WWP2: variants seen among roughly 807,000 people sequenced by gnomAD.
WWP2 encodes the protein WW domain containing E3 ubiquitin protein ligase 2.
WWP2 carries 57 observed loss-of-function variants against 121.0 expected under a neutral mutation model. The ratio of observed to expected loss-of-function variants is 0.47; its 90% CI spans 0.38 to 0.59. WWP2 has a LOEUF of 0.59. Ranked by LOEUF, WWP2 falls within the 20% of genes least tolerant of loss-of-function variation. The pLI is 0.00. For synonymous variants in WWP2, 449 were observed against 441.3 expected (o/e 1.02, Z -0.22); for missense variants, 962 against 1,158.9 (o/e 0.83, Z 2.47).
rs112859983 is a variant in WWP2, at chr16:69,932,990, C to T, written c.1683-980C>T. ...TGTTCGGTGGTGGCGTTGCCTTCTG[C>T]GCTGGCCCCGTGGATGGATGTTCCT... is the stretch of plus-strand genomic sequence containing the variant. On this transcript the variant is annotated intron_variant, in intron 16 of 23. Transcript: ENST00000359154. 5.1e-4 allele frequency: 239 copies of T among 470,656 alleles called. 2 individuals carry two copies. Among genetic ancestry groups the T allele is most frequent in the African/African-American group, 3.8e-3 (193 of 50,220 alleles). 29.2% of individuals were successfully genotyped at this position (470,656 alleles called of 1,614,324 possible). A position where few individuals can be genotyped will look rare whatever the true frequency, so the allele number is the denominator to read the frequency against.
intron 8 of WWP2, among the ~76,000 whole-genome samples, chr16:69,902,328 A>G (rs2058217963): frequency 6.6e-6 from 1 of 152,234 alleles, no homozygotes; most frequent in East Asian, 1.9e-4. Flanking sequence ...CATGGTTCAT[A>G]TACAACTGAA....
chr16:69,913,896 C>T (rs1597152754), intron 9 of WWP2, among the ~76,000 whole-genome samples: 1 of 150,634 alleles, frequency 6.6e-6, no homozygotes, highest in Admixed American at 6.6e-5. Flanking sequence ...ATGGTGAAAC[C>T]CCCGTCTCTA....
chr16:69,825,442 A>C (rs1295614404), intron 4 of WWP2, among the ~76,000 whole-genome samples: 1 of 151,632 alleles, frequency 6.6e-6, no homozygotes, highest in Non-Finnish European at 1.5e-5. Flanking sequence ...AAAAACCCCA[A>C]AAACCAAAAA....
intron 4 of WWP2, among the ~76,000 whole-genome samples, chr16:69,810,128 A>G (rs2056360405): frequency 6.6e-6 from 1 of 152,246 alleles, no homozygotes; most frequent in Non-Finnish European, 1.5e-5. Context: ...TTCCACGGAC[A>G]GAATTCGTTC....
intron 5 of WWP2, among the ~76,000 whole-genome samples, chr16:69,840,524 T>C (rs934301215): frequency 2.0e-5 from 3 of 152,216 alleles, no homozygotes; most frequent in Admixed American, 6.5e-5. Flanking sequence ...TCATCCCATG[T>C]GGACTTTGGA....
intron 6 of WWP2, among the ~76,000 whole-genome samples, chr16:69,871,530 A>G (rs947136514): frequency 2.0e-5 from 3 of 152,280 alleles, no homozygotes; most frequent in African/African-American, 7.2e-5. Context: ...TATTTTGCCA[A>G]TTATTTCAGA....
rs991664418 is a variant in WWP2 at position 69,888,438 on chromosome 16, G to A, written c.914+189G>A. Reference sequence around the variant, plus strand: ...ATAAATCTTAAAAAGAATCTCAGTCGCCTGGGGCAGAATCAATGCTACCTT... The same window carrying A: ...ATAAATCTTAAAAAGAATCTCAGTCACCTGGGGCAGAATCAATGCTACCTT... On this transcript the variant is annotated intron_variant, in intron 8 of 23. Transcript: ENST00000359154. 3.3e-5 allele frequency among the ~76,000 whole-genome samples: 5 copies of A among 152,154 alleles called. 1 individual carries two copies. In the South Asian group the frequency reaches 6.2e-4, roughly 19 times the overall value.
rs562598861 is a variant in WWP2 at position 69,771,169 on chromosome 16, A to T, written c.-16+8778A>T. 5.9e-5 allele frequency among the ~76,000 whole-genome samples: 9 copies of T among 152,276 alleles called. No homozygotes were observed. The South Asian group carries it at 1.7e-3, about 28-fold the overall frequency. ...CTGAGGTAGGGTGATAAAAGTGATC[A>T]GGTGCTTCAGGTATTGCAGGAGCTG... is the stretch of plus-strand genomic sequence containing the variant. On this transcript the variant is annotated intron_variant, in intron 1 of 23. Transcript: ENST00000359154.
At chr16:69,848,126 A>C (rs1161647449) in intron 6 of WWP2, among the ~76,000 whole-genome samples, 1 of 152,198 alleles carries the variant, frequency 6.6e-6, no homozygotes, top group Non-Finnish European at 1.5e-5. Flanking sequence ...ATTAATAGGG[A>C]TTAACATAAG....
At chr16:69,762,647 A>C (rs2038639500) in intron 1 of WWP2, among the ~76,000 whole-genome samples, 1 of 152,024 alleles carries the variant, frequency 6.6e-6, no homozygotes, top group South Asian at 2.1e-4. Flanking sequence ...CCAAGGGTGC[A>C]GCTGGAGCGA....
At chr16:69,891,879 T>C (rs907014124) in intron 8 of WWP2, among the ~76,000 whole-genome samples, 5 of 152,224 alleles carry the variant, frequency 3.3e-5, no homozygotes, top group Admixed American at 2.0e-4. Context: ...GTCATACATC[T>C]TTCCCCTGAC....
At chr16:69,905,636 T>C (rs1567421127) in intron 8 of WWP2, among the ~76,000 whole-genome samples, 3 of 152,232 alleles carry the variant, frequency 2.0e-5, no homozygotes. Context: ...CCCAAGCATC[T>C]AGAGAAGGGG....
intron 8 of WWP2, among the ~76,000 whole-genome samples, chr16:69,898,609 G>C (rs2058146728): frequency 6.6e-6 from 1 of 151,968 alleles, no homozygotes; most frequent in African/African-American, 2.4e-5. Flanking sequence ...AGGTTCTTTG[G>C]TTTCTTCTTT....
At chr16:69,845,486 T>C (rs184840125) in intron 6 of WWP2, among the ~76,000 whole-genome samples, 16 of 152,308 alleles carry the variant, frequency 1.1e-4, no homozygotes, top group Non-Finnish European at 4.4e-5. Context: ...TTTTGCTGTC[T>C]GAAGGGTAGG....
At chr16:69,833,237 A>G (rs1166229720) in intron 4 of WWP2, among the ~76,000 whole-genome samples, 2 of 152,244 alleles carry the variant, frequency 1.3e-5, no homozygotes, top group African/African-American at 4.8e-5. Flanking sequence ...ACTTAGAGGT[A>G]GTCCTCCCTC....
At chr16:69,763,825 A>G (rs1037263175) in intron 1 of WWP2, among the ~76,000 whole-genome samples, 2 of 152,214 alleles carry the variant, frequency 1.3e-5, no homozygotes, top group Admixed American at 1.3e-4. Context: ...ATGCATTTCT[A>G]AAAGTCACAC....
At position 69,931,462 on chromosome 16, in the gene WWP2, G is replaced by T; in HGVS notation, c.1522-47G>T. 3 of 1,610,088 alleles carry T rather than the reference G, an allele frequency of 1.9e-6. No homozygotes were observed. The South Asian group carries it at 3.3e-5, about 18-fold the overall frequency. Reference sequence around the variant, plus strand: ...TGTTCATACAGACAGGAGAACAGATGACCACTTGAGGCTCGATTTAAAGTT... The same window carrying T: ...TGTTCATACAGACAGGAGAACAGATTACCACTTGAGGCTCGATTTAAAGTT... On this transcript the variant is annotated intron_variant, in intron 14 of 23. Coordinates refer to ENST00000359154, the MANE Select transcript of WWP2 (RefSeq NM_001270454.2).
chr16:69,931,592 G>C lies in WWP2; in HGVS notation c.1593+12G>C. On this transcript the variant is annotated intron_variant, in intron 15 of 23. Transcript: ENST00000359154. Reference sequence around the variant, plus strand: ...ATTCCTTCCAACAGGTTAGATCATGGTGCCCGAAACCAGTGGCAGGCCGAC... The same window carrying C: ...ATTCCTTCCAACAGGTTAGATCATGCTGCCCGAAACCAGTGGCAGGCCGAC... 2 of 1,613,830 alleles carry C rather than the reference G, an allele frequency of 1.2e-6. No individual in the cohort carries two copies. The highest frequency in any genetic ancestry group is 1.7e-6 in the Non-Finnish European group (2 of 1,179,976).
chr16:69,827,034 C>G (rs1401777295), intron 4 of WWP2, among the ~76,000 whole-genome samples: 1 of 151,414 alleles, frequency 6.6e-6, no homozygotes, highest in Non-Finnish European at 1.5e-5. Flanking sequence ...ATCTACTTGT[C>G]CTTCATCTTT....
Sources: gnomAD v4.1 joint callset for allele counts (sites outside exome capture counted in the v4.1 genomes callset) on GRCh38, gnomAD v4.1.1 for gene constraint, MANE v1.5 for transcripts, NCBI Gene and HGNC (gene_info 2026-07-23, HGNC 2026-07-21) for gene names.